SPNS3: variants seen among roughly 807,000 people sequenced by gnomAD.
The protein encoded by SPNS3 is protein spinster homolog 3.
SPNS3 carries 51 observed loss-of-function variants against 54.4 expected under a neutral mutation model. The ratio of observed to expected loss-of-function variants is 0.94; its 90% CI spans 0.75 to 1.18. SPNS3 has a LOEUF of 1.18. SPNS3 is among the 50% of genes most tolerant of loss of function. SPNS3 has a pLI of 0.00. For missense variants in SPNS3, 669 were observed against 677.4 expected (o/e 0.99, Z 0.14); for synonymous variants, 309 against 294.7 (o/e 1.05, Z -0.50).
At position 4,460,903 on chromosome 17, in the gene SPNS3, T is replaced by C. The variant is rs538665972; in HGVS notation, c.1113+7698T>C. Among the ~76,000 whole-genome samples, 33 of 152,306 alleles carry C rather than the reference T, an allele frequency of 2.2e-4. 1 individual carries two copies. The South Asian group carries it at 6.8e-3, about 32-fold the overall frequency. On this transcript the variant is annotated intron_variant, in intron 8 of 11. Transcript: ENST00000355530. The stretch of plus-strand genomic sequence containing the variant: ...CAAGTGTTCCTTCCTCTTCTGTTTT[T>C]TGGAAGACTTCATGAAGAATTTGTT...
chr17:4,446,113 C>T lies in SPNS3; in HGVS notation c.468C>T (p.Ile156=), dbSNP rs1183627833. 19 of 1,613,264 alleles carry T rather than the reference C, an allele frequency of 1.2e-5. No homozygotes were observed. The highest frequency in any genetic ancestry group is 6.7e-5 in the Admixed American group (4 of 59,958). The stretch of plus-strand genomic sequence containing the variant: ...CTGGCTCGGCCAGCTACTCCACCAT[C>T]GCGCCCACCGTCCTGGGCGACCTCT... The part of the protein sequence containing the change: ...VGTGSASYST[I]APTVLGDLFV... The change falls in exon 4 of 12, where the codon ATC becomes ATT. Residue 156 remains isoleucine (I), a synonymous_variant. Transcript: ENST00000355530.
At position 4,455,458 on chromosome 17, in the gene SPNS3, C is replaced by T. The variant is rs1408143651; in HGVS notation, c.1113+2253C>T. Among the ~76,000 whole-genome samples, 6 of 152,202 alleles carry T rather than the reference C, an allele frequency of 3.9e-5. No homozygotes were observed. In the South Asian group the frequency reaches 6.2e-4, roughly 16 times the overall value. On this transcript the variant is annotated intron_variant, in intron 8 of 11. Coordinates refer to ENST00000355530, the MANE Select transcript of SPNS3 (RefSeq NM_182538.5). ...CCCACATGTGGCAGATGCCCAGAGG[C>T]GGGGTGTGGGGGGTACTTTGTGGGC...
intron 8 of SPNS3, among the ~76,000 whole-genome samples, chr17:4,462,149 C>G (rs910342673): frequency 0.023 from 1 of 44 alleles, no homozygotes; most frequent in Non-Finnish European, 0.056. Flanking sequence ...ATCCATCCAT[C>G]CATCCATCCA....
intron 9 of SPNS3, among the ~76,000 whole-genome samples, chr17:4,484,468 G>T (rs749655452): frequency 6.6e-6 from 1 of 152,132 alleles, no homozygotes; most frequent in South Asian, 2.1e-4. Context: ...TTATAGGCAC[G>T]CGCCACCACA....
At chr17:4,450,119 A>G (rs1325977496) in intron 7 of SPNS3, among the ~76,000 whole-genome samples, 1 of 148,786 alleles carries the variant, frequency 6.7e-6, no homozygotes, top group Non-Finnish European at 1.5e-5. Context: ...CTCCTCTCTG[A>G]CCCTGTCCTG....
intron 1 of SPNS3, among the ~76,000 whole-genome samples, chr17:4,434,383 G>T (rs1412801519): frequency 1.3e-5 from 2 of 152,202 alleles, no homozygotes; most frequent in Non-Finnish European, 2.9e-5. Context: ...ACACAGGCTG[G>T]GCATGGTGGC....
At chr17:4,465,156 A>G (rs78058218) in intron 8 of SPNS3, among the ~76,000 whole-genome samples, 8,814 of 152,140 alleles carry the variant, frequency 0.058, 322 homozygotes, top group Middle Eastern at 0.13. Flanking sequence ...TGGATCATCA[A>G]AGGGGTGGGG....
intron 1 of SPNS3, among the ~76,000 whole-genome samples, chr17:4,437,879 C>T (rs569276162): frequency 6.6e-6 from 1 of 151,654 alleles, no homozygotes; most frequent in South Asian, 2.1e-4. Flanking sequence ...CTCCGCCTCC[C>T]AGGTTCAAGC....
At chr17:4,474,886 G>A (rs1045527923) in intron 8 of SPNS3, among the ~76,000 whole-genome samples, 12 of 152,096 alleles carry the variant, frequency 7.9e-5, no homozygotes, top group African/African-American at 2.2e-4. Context: ...ATGGCTCCCC[G>A]CATATGTACG....
chr17:4,478,504 G>A (rs1281384249), intron 8 of SPNS3, 68 bp from the exon 9 acceptor site: 70 of 1,423,252 alleles, frequency 4.9e-5, no homozygotes, highest in Non-Finnish European at 6.8e-5. Flanking sequence ...CTCCACAGGT[G>A]GGAAGCAACA....
At chr17:4,458,627 T>TTCTTTCTTTTCTG (rs1971406351) in intron 8 of SPNS3, among the ~76,000 whole-genome samples, 1 of 145,576 alleles carries the variant, frequency 6.9e-6, no homozygotes, top group African/African-American at 2.6e-5. Context: ...CTTTCTTTCT[T>TTCTTTCTTTTCTG]TCTTTCTTTC....
intron 4 of SPNS3, 23 bp from the exon 5 acceptor site, chr17:4,446,873 T>C (rs1448937500): frequency 6.8e-6 from 11 of 1,612,470 alleles, no homozygotes; most frequent in Non-Finnish European, 9.3e-6. Context: ...TCACAGCCCA[T>C]CGCCCCTGCC....
chr17:4,485,948 C>A (rs781123224), intron 9 of SPNS3, among the ~76,000 whole-genome samples: 1 of 152,268 alleles, frequency 6.6e-6, no homozygotes, highest in Non-Finnish European at 1.5e-5. Context: ...TGGTCACATG[C>A]ATGCCTGGTT....
chr17:4,434,835 C>T (rs1007046064), intron 1 of SPNS3, among the ~76,000 whole-genome samples: 2 of 139,280 alleles, frequency 1.4e-5, no homozygotes, highest in Non-Finnish European at 3.1e-5. Context: ...GACAGAGTCT[C>T]AATCTGTTGC....
chr17:4,469,679 G>A (rs1971804719), intron 8 of SPNS3, among the ~76,000 whole-genome samples: 1 of 151,104 alleles, frequency 6.6e-6, no homozygotes, highest in African/African-American at 2.4e-5. Flanking sequence ...CAGGAGAGAG[G>A]TCCAGGCTGG....
intron 5 of SPNS3, 25 bp from the exon 6 acceptor site, chr17:4,448,130 G>A (rs1245984966): frequency 1.9e-6 from 3 of 1,558,738 alleles, no homozygotes; most frequent in African/African-American, 1.4e-5. Flanking sequence ...GCGGCCCTGA[G>A]CTTCCTGGGC....
Position 4,487,998 on chromosome 17 carries a change from C to T in SPNS3, c.*104C>T. On this transcript the variant is annotated 3_prime_UTR_variant, in exon 12 of 12. Coordinates refer to ENST00000355530, the MANE Select transcript of SPNS3 (RefSeq NM_182538.5). ...GTCCTCGGGGACTCCGGCTGAGGCA[C>T]ATCTGCCACTTTTGAATTCCCGGCT... is the stretch of plus-strand genomic sequence containing the variant. The T allele has an allele frequency of 1.0e-6, 1 of 977,292 alleles. No homozygotes were observed. Among genetic ancestry groups the T allele is most frequent in the Non-Finnish European group, 1.6e-6 (1 of 630,784 alleles). 60.5% of individuals were successfully genotyped at this position (977,292 alleles called of 1,614,324 possible). A position where few individuals can be genotyped will look rare whatever the true frequency, so the allele number is the denominator to read the frequency against.
At chr17:4,435,021 C>T (rs1380795610) in intron 1 of SPNS3, among the ~76,000 whole-genome samples, 4 of 151,968 alleles carry the variant, frequency 2.6e-5, no homozygotes, top group East Asian at 1.9e-4. Flanking sequence ...CAGGCTGTCT[C>T]GAACTCCAGA....
At chr17:4,457,443 G>A (rs1332491214) in intron 8 of SPNS3, among the ~76,000 whole-genome samples, 1 of 152,208 alleles carries the variant, frequency 6.6e-6, no homozygotes, top group East Asian at 1.9e-4. Flanking sequence ...CGCCTCCAAA[G>A]TCTGTGTCCT....
Sources: allele counts gnomAD v4.1 joint callset (sites outside exome capture counted in the v4.1 genomes callset), GRCh38; gene constraint gnomAD v4.1.1; transcripts MANE v1.5; gene names NCBI Gene and HGNC (gene_info 2026-07-23, HGNC 2026-07-21).